FOXP2: variants seen among roughly 807,000 people sequenced by gnomAD.
FOXP2 encodes the protein forkhead box P2.
FOXP2 carries 12 observed loss-of-function variants against 115.8 expected under a neutral mutation model. That is an observed-to-expected ratio of 0.10 (90% CI 0.07 to 0.17). FOXP2 has a LOEUF of 0.17. Ranked by LOEUF, FOXP2 falls within the 10% of genes least tolerant of loss-of-function variation. The pLI is 1.00. For missense variants in FOXP2, 629 were observed against 843.5 expected, an observed-to-expected ratio of 0.75 and a Z score of 3.15; for synonymous variants, 328 against 297.7, an observed-to-expected ratio of 1.10 and a Z score of -1.05.
At chr7:114,161,731 C>T (rs111977793), upstream of FOXP2, among the ~76,000 whole-genome samples, 1,405 of 151,968 alleles carry the variant, frequency 9.2e-3, 31 homozygotes, top group African/African-American at 0.032. Flanking sequence ...TGAGTGACTT[C>T]AAGATAAGGC....
At chr7:114,630,061 G>C (rs988532121) in intron 5 of FOXP2, 56 bp downstream of exon 5, 22 of 1,601,388 alleles carry the variant, frequency 1.4e-5, no homozygotes, top group Admixed American at 1.7e-5. Context: ...AAGGGGCTTT[G>C]AGCGGCAAGA....
At chr7:114,577,027 G>C (rs890119923) in intron 3 of FOXP2, among the ~76,000 whole-genome samples, 7 of 151,706 alleles carry the variant, frequency 4.6e-5, no homozygotes, top group African/African-American at 1.7e-4. Flanking sequence ...TCTATGTGCA[G>C]TTCATTTTTC....
chr7:114,445,182 AT>A (rs1215527167), intron 2 of FOXP2, among the ~76,000 whole-genome samples: 1 of 152,060 alleles, frequency 6.6e-6, no homozygotes, highest in Admixed American at 6.6e-5. Context: ...ATCAGATACT[AT>A]TTATCTGACA....
intron 2 of FOXP2, among the ~76,000 whole-genome samples, chr7:114,515,893 C>T (rs1798316683): frequency 6.6e-6 from 1 of 152,076 alleles, no homozygotes; most frequent in African/African-American, 2.4e-5. Context: ...CAAACCACTG[C>T]TCAATGAAAT....
intron 16 of FOXP2, among the ~76,000 whole-genome samples, chr7:114,687,753 C>G (rs1186550083): frequency 6.6e-6 from 1 of 152,078 alleles, no homozygotes; most frequent in African/African-American, 2.4e-5. Flanking sequence ...CTTTCTTTGT[C>G]ATAAAGCTCA....
intron 3 of FOXP2, among the ~76,000 whole-genome samples, chr7:114,555,607 A>G (rs1013252755): frequency 5.3e-5 from 8 of 151,882 alleles, no homozygotes; most frequent in African/African-American, 1.9e-4. Context: ...GACCAGCCTG[A>G]CCAACATGGT....
chr7:114,615,943 A>G (rs1803926329), intron 3 of FOXP2, among the ~76,000 whole-genome samples: 1 of 152,202 alleles, frequency 6.6e-6, no homozygotes, highest in African/African-American at 2.4e-5. Context: ...TTTATGATCT[A>G]AGATGATCCT....
At position 114,573,582 on chromosome 7, in the gene FOXP2, C is replaced by A. The variant is rs954201826; in HGVS notation, c.258+38876C>A. 1.3e-5 allele frequency among the ~76,000 whole-genome samples: 2 copies of A among 151,480 alleles called. 1 individual carries two copies. Among genetic ancestry groups the A allele is most frequent in the African/African-American group, 4.8e-5 (2 of 41,266 alleles). ...CAATAGTTTTCAAATGTTAAGAGAC[C>A]CTACATAATGCCTATCAAAGTGTTA... On this transcript the variant is annotated intron_variant, in intron 3 of 16. Coordinates refer to ENST00000350908, the MANE Select transcript of FOXP2 (RefSeq NM_014491.4).
chr7:114,607,724 C>T (rs1803406218), intron 3 of FOXP2, among the ~76,000 whole-genome samples: 1 of 152,024 alleles, frequency 6.6e-6, no homozygotes, highest in South Asian at 2.1e-4. Context: ...AGTGGGAGTT[C>T]CTGAATACAG....
chr7:114,582,402 G>A (rs914852851), intron 3 of FOXP2, among the ~76,000 whole-genome samples: 1 of 152,032 alleles, frequency 6.6e-6, no homozygotes, highest in East Asian at 1.9e-4. Flanking sequence ...CTGCTTCTAG[G>A]ACAAATCATG....
intron 1 of FOXP2, among the ~76,000 whole-genome samples, chr7:114,173,988 GA>G (rs888233700): frequency 9.4e-4 from 140 of 149,318 alleles, no homozygotes; most frequent in African/African-American, 1.6e-3. Flanking sequence ...TTTTGCATGT[GA>G]AAAAAAAATA....
intron 1 of FOXP2, among the ~76,000 whole-genome samples, chr7:114,168,983 A>G (rs962976762): frequency 2.6e-5 from 4 of 152,258 alleles, no homozygotes; most frequent in African/African-American, 9.6e-5. Context: ...GCTGGTACAC[A>G]GAAGTCAAGA....
At chr7:114,462,572 A>G (rs1006038159) in intron 2 of FOXP2, among the ~76,000 whole-genome samples, 47 of 151,796 alleles carry the variant, frequency 3.1e-4, no homozygotes, top group Admixed American at 6.6e-4. Flanking sequence ...GGGTTTGGCC[A>G]TGTTGGCCAG....
chr7:114,604,098 A>T (rs1442470449), intron 3 of FOXP2, among the ~76,000 whole-genome samples: 1 of 152,118 alleles, frequency 6.6e-6, no homozygotes, highest in Non-Finnish European at 1.5e-5. Flanking sequence ...TAAACAACAG[A>T]CATTTCTCAG....
At chr7:114,311,729 A>G (rs942008847) in intron 2 of FOXP2, among the ~76,000 whole-genome samples, 4 of 152,174 alleles carry the variant, frequency 2.6e-5, no homozygotes, top group Admixed American at 2.6e-4. Context: ...TTACAGGGAC[A>G]GTAGGAGCAG....
intron 1 of FOXP2, among the ~76,000 whole-genome samples, chr7:114,193,335 T>C (rs1793813931): frequency 6.6e-6 from 1 of 152,012 alleles, no homozygotes; most frequent in Non-Finnish European, 1.5e-5. Flanking sequence ...GTTGATTATG[T>C]CATTTTCTGA....
At chr7:114,396,697 G>T (rs1156518433) in intron 2 of FOXP2, among the ~76,000 whole-genome samples, 1 of 151,962 alleles carries the variant, frequency 6.6e-6, no homozygotes, top group East Asian at 1.9e-4. Flanking sequence ...TGGGGTTGGA[G>T]AGATGTTGAT....
intron 2 of FOXP2, among the ~76,000 whole-genome samples, chr7:114,360,540 C>T (rs1036180624): frequency 1.3e-5 from 2 of 152,096 alleles, no homozygotes; most frequent in African/African-American, 4.8e-5. Context: ...TCAATCTACT[C>T]CCAAACCTTC....
At chr7:114,491,131 C>A (rs1316776735) in intron 2 of FOXP2, among the ~76,000 whole-genome samples, 2 of 152,010 alleles carry the variant, frequency 1.3e-5, no homozygotes, top group Middle Eastern at 3.4e-3. Context: ...AACAGTGTAA[C>A]AGTGTTCCTA....
Sources: gnomAD v4.1 joint callset for allele counts (sites outside exome capture counted in the v4.1 genomes callset) on GRCh38, gnomAD v4.1.1 for gene constraint, MANE v1.5 for transcripts, NCBI Gene and HGNC (gene_info 2026-07-23, HGNC 2026-07-21) for gene names.